NR5A2: variants seen among roughly 807,000 people sequenced by gnomAD.
NR5A2 encodes CYP7A promoter-binding factor.
NR5A2 carries 26 observed loss-of-function variants against 62.7 expected under a neutral mutation model. That is an observed-to-expected ratio of 0.41 (90% CI 0.30 to 0.58). The LOEUF (loss-of-function observed/expected upper bound fraction) is 0.58. Ranked by LOEUF, NR5A2 falls within the 20% of genes least tolerant of loss-of-function variation. The probability of loss-of-function intolerance (pLI) is 0.22; values close to 1 mark genes in which losing one functional copy is unlikely to be tolerated. For synonymous variants in NR5A2, 246 were observed against 241.7 expected, an observed-to-expected ratio of 1.02 and a Z score of -0.16; for missense variants, 541 against 669.1, an observed-to-expected ratio of 0.81 and a Z score of 2.11.
chr1:200,109,029 A>G (rs1292653860), intron 5 of NR5A2, among the ~76,000 whole-genome samples: 1 of 152,144 alleles, frequency 6.6e-6, no homozygotes, highest in African/African-American at 2.4e-5. Context: ...CCACTAAACC[A>G]CTAAATACTG....
intron 2 of NR5A2, among the ~76,000 whole-genome samples, chr1:200,043,290 G>T (rs746986295): frequency 6.6e-6 from 1 of 152,302 alleles, no homozygotes; most frequent in Admixed American, 6.5e-5. Context: ...TTTCTCTGTC[G>T]GACAGAGTTT....
At chr1:200,040,723 C>T (rs1241383142) in intron 2 of NR5A2, among the ~76,000 whole-genome samples, 1 of 152,240 alleles carries the variant, frequency 6.6e-6, no homozygotes, top group Non-Finnish European at 1.5e-5. Context: ...CTGCCATCCC[C>T]TTGCGCGAAC....
intron 7 of NR5A2, among the ~76,000 whole-genome samples, chr1:200,173,619 C>T (rs1225337313): frequency 6.6e-6 from 1 of 152,224 alleles, no homozygotes; most frequent in Non-Finnish European, 1.5e-5. Flanking sequence ...ATAGGTCTTT[C>T]TCCAGGGACT....
intron 7 of NR5A2, among the ~76,000 whole-genome samples, chr1:200,149,730 G>A (rs1667900076): frequency 1.3e-5 from 2 of 152,126 alleles, no homozygotes; most frequent in African/African-American, 4.8e-5. Context: ...CATATTGTGG[G>A]CTCCTCATCA....
At chr1:200,168,070 T>A (rs948290888) in intron 7 of NR5A2, among the ~76,000 whole-genome samples, 7 of 152,222 alleles carry the variant, frequency 4.6e-5, no homozygotes, top group African/African-American at 1.7e-4. Flanking sequence ...AATGAATGAA[T>A]GTGTATACAT....
chr1:200,085,727 G>T (rs183912806), intron 5 of NR5A2, among the ~76,000 whole-genome samples: 28 of 151,690 alleles, frequency 1.8e-4, no homozygotes, highest in Non-Finnish European at 1.5e-5. Context: ...GGATACACAT[G>T]TACAAAACTG....
chr1:200,034,498 C>T (rs578239925), intron 1 of NR5A2, among the ~76,000 whole-genome samples: 98 of 150,720 alleles, frequency 6.5e-4, no homozygotes, highest in African/African-American at 2.4e-3. Context: ...AAAGGTTCTT[C>T]AGTGAACTCT....
At chr1:200,150,624 C>CA (rs927455540) in intron 7 of NR5A2, among the ~76,000 whole-genome samples, 8 of 151,572 alleles carry the variant, frequency 5.3e-5, no homozygotes, top group Non-Finnish European at 8.8e-5. Context: ...ATTTAAATGT[C>CA]AAAAAAAATA....
chr1:200,112,082 A>G (rs1174838307), intron 6 of NR5A2, among the ~76,000 whole-genome samples: 1 of 151,940 alleles, frequency 6.6e-6, no homozygotes, highest in African/African-American at 2.4e-5. Context: ...AATAAAAGAA[A>G]AAAAAAAAAA....
intron 7 of NR5A2, among the ~76,000 whole-genome samples, chr1:200,168,155 G>A (rs1309541462): frequency 6.6e-6 from 1 of 151,130 alleles, no homozygotes; most frequent in Admixed American, 6.6e-5. Flanking sequence ...GCACCAATCA[G>A]TTGTAAGGGC....
intron 6 of NR5A2, among the ~76,000 whole-genome samples, chr1:200,113,932 G>A (rs569249761): frequency 4.2e-4 from 64 of 152,298 alleles, no homozygotes; most frequent in African/African-American, 1.5e-3. Context: ...TGTAATCCCA[G>A]CGCTTTGGGA....
At chr1:200,029,158 T>G (rs1160188128) in intron 1 of NR5A2, 1 of 408,482 alleles carries the variant, frequency 2.4e-6, no homozygotes, top group Admixed American at 2.7e-5. Context: ...TCCGCGCAGC[T>G]CCGGTTCCGC....
chr1:200,114,875 T>C (rs1019857358), intron 6 of NR5A2, among the ~76,000 whole-genome samples: 1 of 152,184 alleles, frequency 6.6e-6, no homozygotes, highest in East Asian at 1.9e-4. Flanking sequence ...TTTACCAACA[T>C]GCCATACCGT....
intron 5 of NR5A2, among the ~76,000 whole-genome samples, chr1:200,080,149 T>C (rs1664230263): frequency 6.6e-6 from 1 of 152,158 alleles, no homozygotes; most frequent in Non-Finnish European, 1.5e-5. Context: ...CAGAGATCCA[T>C]GATTAATTTG....
chr1:200,136,310 C>T (rs549380742), intron 7 of NR5A2, among the ~76,000 whole-genome samples: 17 of 152,218 alleles, frequency 1.1e-4, no homozygotes, highest in Admixed American at 7.2e-4. Flanking sequence ...CCTCCGCTTC[C>T]TGGGTTCGGG....
At position 200,048,544 on chromosome 1, in the gene NR5A2, GC is replaced by G; in HGVS notation, c.837del (p.Ser280HisfsTer5). 1 of 1,614,076 alleles carries G rather than the reference GC, an allele frequency of 6.2e-7. No individual in the cohort carries two copies. Among genetic ancestry groups the G allele is most frequent in the Non-Finnish European group, 8.5e-7 (1 of 1,180,022 alleles). On this transcript the variant is annotated frameshift_variant, in exon 5 of 8. Coordinates refer to ENST00000367362, the MANE Select transcript of NR5A2 (RefSeq NM_205860.3). LOFTEE classifies it high-confidence loss of function. The surrounding 1 kb of genome is among the most constrained non-coding windows in gnomAD (Gnocchi z 4.8). ...IKSEYPDPYT[S>X]SPESIMGYSY... ...TCTGAGTACCCAGACCCCTATACCAGCTCACCCGAGTCCATAATGGGCTATT... is the reference window on the plus strand; with the variant it reads ...TCTGAGTACCCAGACCCCTATACCAGTCACCCGAGTCCATAATGGGCTATT...
intron 7 of NR5A2, among the ~76,000 whole-genome samples, chr1:200,163,147 A>G (rs575643441): frequency 1.3e-5 from 2 of 152,272 alleles, no homozygotes; most frequent in South Asian, 4.1e-4. Flanking sequence ...ATTTCCCAAG[A>G]AAGTACAATC....
At chr1:200,047,640 G>A (rs946983848) in intron 4 of NR5A2, among the ~76,000 whole-genome samples, 2 of 150,472 alleles carry the variant, frequency 1.3e-5, no homozygotes, top group African/African-American at 2.5e-5. Context: ...GCAGTGGTGT[G>A]ATCTTGGCTC....
intron 5 of NR5A2, among the ~76,000 whole-genome samples, chr1:200,084,040 A>C (rs1279050912): frequency 6.6e-6 from 1 of 151,498 alleles, no homozygotes; most frequent in African/African-American, 2.4e-5. Context: ...GGTAGGTCAG[A>C]TATTCTTAAG....
Sources: gnomAD v4.1 joint callset for allele counts (sites outside exome capture counted in the v4.1 genomes callset) on GRCh38, gnomAD v4.1.1 for gene constraint, Gnocchi (gnomAD v3.1) non-coding constraint, MANE v1.5 for transcripts, NCBI Gene and HGNC (gene_info 2026-07-23, HGNC 2026-07-21) for gene names.